TBC1D5: variants seen among roughly 807,000 people sequenced by gnomAD.
The protein encoded by TBC1D5 is TBC1 domain family, member 5.
A neutral mutation model predicts 100.3 loss-of-function variants in TBC1D5; 75 were observed. That is an observed-to-expected ratio of 0.75 (90% confidence interval 0.62 to 0.91). The LOEUF (loss-of-function observed/expected upper bound fraction) is 0.91, where lower values mean the gene tolerates loss of function less well. Ranked by LOEUF, TBC1D5 falls within the 40% of genes least tolerant of loss-of-function variation. TBC1D5 has a pLI of 0.00. For synonymous variants in TBC1D5, 323 were observed against 325.6 expected, an observed-to-expected ratio of 0.99 and a Z score of 0.09; for missense variants, 910 against 942.4, an observed-to-expected ratio of 0.97 and a Z score of 0.45.
intron 13 of TBC1D5, among the ~76,000 whole-genome samples, chr3:17,347,174 C>T (rs1242970924): frequency 6.6e-6 from 1 of 152,092 alleles, no homozygotes; most frequent in Non-Finnish European, 1.5e-5. Flanking sequence ...GGATGTAGAT[C>T]CTTCAAGTAC....
chr3:17,341,727 G>A (rs2151419931), intron 13 of TBC1D5, among the ~76,000 whole-genome samples: 1 of 151,980 alleles, frequency 6.6e-6, no homozygotes, highest in South Asian at 2.1e-4. Context: ...GAAGTAGCTG[G>A]GAATACATTA....
intron 4 of TBC1D5, 51 bp downstream of exon 4, chr3:17,428,395 ATGTG>A (rs35081140): frequency 0.019 from 5,695 of 303,252 alleles, 243 homozygotes; most frequent in African/African-American, 0.11. Context: ...ATAATATTAT[ATGTG>A]TGTGTGTGTG....
At position 17,266,805 on chromosome 3, in the gene TBC1D5, A is replaced by T. The variant is rs563544303; in HGVS notation, c.1246-8214T>A. On this transcript the variant is annotated intron_variant, in intron 15 of 21. Coordinates refer to ENST00000253692, the Ensembl canonical transcript of TBC1D5. ...TTCCTATGTATTTTGATGGGAAAAC[A>T]TATATTGTGAAAACTAGGTATTAAG... Among the ~76,000 whole-genome samples, 578 of 152,248 alleles carry T rather than the reference A, an allele frequency of 3.8e-3. 5 individuals carry two copies. Among genetic ancestry groups the T allele is most frequent in the African/African-American group, 0.013 (548 of 41,566 alleles).
intron 1 of TBC1D5, among the ~76,000 whole-genome samples, chr3:17,672,232 T>C (rs1342503485): frequency 6.6e-6 from 1 of 152,208 alleles, no homozygotes; most frequent in Non-Finnish European, 1.5e-5. Context: ...TTAGCTGAAC[T>C]GAAAATGATA....
intron 3 of TBC1D5, among the ~76,000 whole-genome samples, chr3:17,444,215 G>A (rs1455381008): frequency 6.6e-6 from 1 of 151,604 alleles, no homozygotes; most frequent in African/African-American, 2.4e-5. Flanking sequence ...GTACACTTGA[G>A]AGAAATTATT....
chr3:17,538,435 T>C (rs529181472), intron 2 of TBC1D5, among the ~76,000 whole-genome samples: 1 of 152,048 alleles, frequency 6.6e-6, no homozygotes, highest in Non-Finnish European at 1.5e-5. Flanking sequence ...CCAAGAACCA[T>C]AGCAATGTAT....
intron 1 of TBC1D5, among the ~76,000 whole-genome samples, chr3:17,676,753 A>C (rs1224809958): frequency 6.6e-6 from 1 of 152,196 alleles, no homozygotes; most frequent in East Asian, 1.9e-4. Flanking sequence ...TTCAAACTAT[A>C]CTACAAGGCT....
At chr3:17,180,056 C>A (rs538116255) in intron 19 of TBC1D5, among the ~76,000 whole-genome samples, 1 of 152,354 alleles carries the variant, frequency 6.6e-6, no homozygotes, top group East Asian at 1.9e-4. Context: ...GAGATTAATA[C>A]TGTCAATGGC....
intron 3 of TBC1D5, among the ~76,000 whole-genome samples, chr3:17,503,937 T>A (rs1204197044): frequency 6.7e-6 from 1 of 149,540 alleles, no homozygotes. Flanking sequence ...CTGAGATGGG[T>A]CATATTTAAA....
rs143037922 is a variant in TBC1D5, at chr3:17,364,691, A to G, written c.995+7384T>C. Among the ~76,000 whole-genome samples, 299 of 152,300 alleles carry G rather than the reference A, an allele frequency of 2.0e-3. 6 individuals are homozygous for G. The East Asian group carries it at 0.041, about 21-fold the overall frequency. The stretch of plus-strand genomic sequence containing the variant: ...CTAGGTAAGTTTAAAGCATTTATGT[A>G]TAGTACCATAACTAACGTTTGATAG... On this transcript the variant is annotated intron_variant, in intron 13 of 21. Transcript: ENST00000253692.
At chr3:17,352,696 A>C (rs941841625) in intron 13 of TBC1D5, among the ~76,000 whole-genome samples, 23 of 150,992 alleles carry the variant, frequency 1.5e-4, no homozygotes, top group South Asian at 1.1e-3. Context: ...AAAAAAAAAA[A>C]AAACAAAAAA....
intron 13 of TBC1D5, among the ~76,000 whole-genome samples, chr3:17,365,597 C>G (rs1559728304): frequency 6.6e-6 from 1 of 152,184 alleles, no homozygotes; most frequent in Non-Finnish European, 1.5e-5. Flanking sequence ...TGTGAAAGAT[C>G]TGGAGCTCAT....
intron 2 of TBC1D5, among the ~76,000 whole-genome samples, chr3:17,541,333 C>T (rs899020663): frequency 2.7e-4 from 41 of 151,990 alleles, no homozygotes; most frequent in African/African-American, 8.4e-4. Context: ...TTATTTATGT[C>T]TTTAATTTAT....
chr3:17,242,824 G>GAT (rs948661836), intron 16 of TBC1D5, among the ~76,000 whole-genome samples: 29 of 151,568 alleles, frequency 1.9e-4, no homozygotes, highest in Middle Eastern at 3.4e-3. Flanking sequence ...AAAATAAACC[G>GAT]ATATATATAT....
At chr3:17,260,548 T>C (rs374284380) in intron 15 of TBC1D5, among the ~76,000 whole-genome samples, 94 of 152,214 alleles carry the variant, frequency 6.2e-4, no homozygotes, top group African/African-American at 1.9e-3. Context: ...ACCACTGTAC[T>C]GGAAACAAAA....
chr3:17,668,155 T>C (rs538351703), intron 1 of TBC1D5, among the ~76,000 whole-genome samples: 1 of 147,820 alleles, frequency 6.8e-6, no homozygotes, highest in Non-Finnish European at 1.5e-5. Context: ...CACTTAAAAA[T>C]ATATATATAT....
At chr3:17,701,058 T>C (rs954096252) in intron 1 of TBC1D5, among the ~76,000 whole-genome samples, 6 of 152,082 alleles carry the variant, frequency 3.9e-5, no homozygotes, top group African/African-American at 1.2e-4. Context: ...CTATTCACAA[T>C]AGCAAAGACT....
At chr3:17,523,325 G>A (rs2096084548) in intron 2 of TBC1D5, among the ~76,000 whole-genome samples, 1 of 152,160 alleles carries the variant, frequency 6.6e-6, no homozygotes, top group Admixed American at 6.5e-5. Flanking sequence ...GAGATGAGAA[G>A]AGAAGAAACA....
At chr3:17,199,821 G>A (rs1038781077) in intron 18 of TBC1D5, among the ~76,000 whole-genome samples, 4 of 152,186 alleles carry the variant, frequency 2.6e-5, no homozygotes, top group African/African-American at 9.7e-5. Context: ...TTGTAGCACG[G>A]ACAAGGTATG....
Sources: gnomAD v4.1 joint callset for allele counts (sites outside exome capture counted in the v4.1 genomes callset) on GRCh38, gnomAD v4.1.1 for gene constraint, MANE v1.5 for transcripts, NCBI Gene and HGNC (gene_info 2026-07-23, HGNC 2026-07-21) for gene names.